The following TTN variants were observed in gnomAD, a reference collection of about 807,000 sequenced individuals.
TTN encodes the protein titin.
In TTN, 1,525 loss-of-function variants were observed where a neutral mutation model predicts 3,223.0. That is an observed-to-expected ratio of 0.47 (90% CI 0.45 to 0.49). The LOEUF is 0.49. Ranked by LOEUF, TTN falls within the 20% of genes least tolerant of loss-of-function variation. The probability of loss-of-function intolerance (pLI) is 0.00; values close to 1 mark genes in which losing one functional copy is unlikely to be tolerated. For missense variants in TTN, 40,786 were observed against 43,424.0 expected, an observed-to-expected ratio of 0.94 and a Z score of 5.40; for synonymous variants, 14,094 against 15,161.0, an observed-to-expected ratio of 0.93 and a Z score of 5.17.
rs397517532 is a variant in TTN, at chr2:178,702,075, TAA to T, written c.30512-11_30512-10del. 1 of 1,491,910 alleles carries T rather than the reference TAA, an allele frequency of 6.7e-7. No homozygotes were observed. The highest frequency in any genetic ancestry group is 9.2e-7 in the Non-Finnish European group (1 of 1,088,872). The allele number at this position is 1,491,910 out of a possible 1,614,324, so 92.4% of individuals were successfully genotyped here. The stretch of plus-strand genomic sequence containing the variant: ...CAGCTCAAGTTTGATTTCTGCAAAA[TAA>T]AAAAAAAATGATATTTTTGTGTTCA... On this transcript the variant is annotated splice_polypyrimidine_tract_variant and intron_variant, in intron 108 of 362. Coordinates refer to ENST00000589042, the MANE Select transcript of TTN (RefSeq NM_001267550.2).
chr2:178,604,987 C>G lies in TTN; in HGVS notation c.54190G>C (p.Asp18064His). The G allele has an allele frequency of 6.3e-7, 1 of 1,592,732 alleles. No individual in the cohort carries two copies. The highest frequency in any genetic ancestry group is 8.6e-7 in the Non-Finnish European group (1 of 1,168,154). The change falls in exon 280 of 363, where the codon GAC becomes CAC. Residue 18064 changes from aspartate to histidine, a missense_variant and splice_region_variant. Asp to His is a moderately conservative substitution (Grantham distance 81). Coordinates refer to ENST00000589042, the MANE Select transcript of TTN (RefSeq NM_001267550.2). ...VFRNVHVEVYDRPSPPRNLAV... is the reference protein window; with the variant it reads ...VFRNVHVEVYHRPSPPRNLAV... ...TGATGTAAGAAAGCAAGTCACTTAC[C>G]ATATACTTCAACGTGAACATTTCGG...
Position 178,675,914 on chromosome 2 carries a change from G to T in TTN, c.34453+7C>A. ...GCATAGTCTAATTTACTTCGGAATAGCAATACCTTTGGCAGGGGGAGCCTC... is the reference window on the plus strand; with the variant it reads ...GCATAGTCTAATTTACTTCGGAATATCAATACCTTTGGCAGGGGGAGCCTC... On this transcript the variant is annotated splice_region_variant and intron_variant, in intron 148 of 362. Transcript: ENST00000589042. 6.2e-7 allele frequency: 1 copy of T among 1,605,718 alleles called. No individual in the cohort carries two copies. Among genetic ancestry groups the T allele is most frequent in the Non-Finnish European group, 8.5e-7 (1 of 1,175,446 alleles).
rs1701792162 is a variant in TTN, at chr2:178,557,120, G to A, written c.88034C>T (p.Thr29345Ile). The change falls in exon 330 of 363, where the codon ACT becomes ATT. Residue 29345 changes from threonine (T) to isoleucine (I), a missense_variant. Transcript: ENST00000589042. ...GCTGACAGAGTTCTTTGAAATATCA[G>A]TGATACGAACATTTCTTGGGGGTTC... ...ACEPPRNVRI[T>I]DISKNSVSLS... 1 of 1,613,554 alleles carries A rather than the reference G, an allele frequency of 6.2e-7. No homozygotes were observed. The highest frequency in any genetic ancestry group is 1.3e-5 in the African/African-American group (1 of 74,934).
chr2:178,703,587 T>C (rs190178179), intron 106 of TTN, among the ~76,000 whole-genome samples: 12 of 152,354 alleles, frequency 7.9e-5, no homozygotes, highest in Middle Eastern at 3.4e-3. Flanking sequence ...AAAATGTGTA[T>C]AATCAATTAG....
At position 178,784,356 on chromosome 2, in the gene TTN, A is replaced by G. The variant is rs370759512; in HGVS notation, c.2494-5T>C. ...AGCACTACCGGCTATTGATGCCTAC[A>G]TGGAAACAGAGTCAGAAAATAAAGT... On this transcript the variant is annotated splice_polypyrimidine_tract_variant and splice_region_variant and intron_variant, in intron 15 of 362. Transcript: ENST00000589042. The G allele has an allele frequency of 1.1e-5, 18 of 1,613,860 alleles. No individual in the cohort carries two copies. Among genetic ancestry groups the G allele is most frequent in the Admixed American group, 1.7e-5 (1 of 60,002 alleles).
intron 224 of TTN, among the ~76,000 whole-genome samples, 192 bp downstream of exon 224, chr2:178,637,177 A>ATC: frequency 2.4e-5 from 3 of 125,448 alleles, no homozygotes; most frequent in African/African-American, 1.0e-4. Context: ...ATATATATAT[A>ATC]TATATATATA....
chr2:178,528,763 G>C lies in TTN; in HGVS notation c.106988C>G (p.Thr35663Ser). The change falls in exon 360 of 363, where the codon ACC becomes AGC. Residue 35663 changes from threonine (T) to serine (S), a missense_variant. Transcript: ENST00000589042. ...YGVSGSDQTL[T>S]IKQASHRDEG... ...ATCTCTGTGACTGGCTTGCTTGATG[G>C]TTAGGGTCTGATCGCTGCCTGAGAC... The C allele has an allele frequency of 2.5e-6, 4 of 1,612,922 alleles. No homozygotes were observed. Among genetic ancestry groups the C allele is most frequent in the Non-Finnish European group, 2.5e-6 (3 of 1,179,184 alleles).
chr2:178,651,503 T>C lies in TTN; in HGVS notation c.39497A>G (p.Lys13166Arg). Residue 13166 changes from lysine to arginine, a missense_variant, in exon 207 of 363, where the codon AAG becomes AGG. Transcript: ENST00000589042. ...PEVPKEVVPE[K>R]KVPLVVPKKP... ...TTTGGGAACCACCAGAGGCACCTTCTTTTCAGGAACAACCTCCTTGGGCAC... is the reference window on the plus strand; with the variant it reads ...TTTGGGAACCACCAGAGGCACCTTCCTTTCAGGAACAACCTCCTTGGGCAC... 1 of 1,613,054 alleles carries C rather than the reference T, an allele frequency of 6.2e-7. No homozygotes were observed. Among genetic ancestry groups the C allele is most frequent in the Non-Finnish European group, 8.5e-7 (1 of 1,179,502 alleles).
Position 178,529,039 on chromosome 2 carries a change from A to G in TTN, c.106712T>C (p.Leu35571Pro), listed in dbSNP as rs1687816400. The change falls in exon 360 of 363, where the codon CTG becomes CCG. Residue 35571 changes from leucine (L) to proline (P), a missense_variant. Leu to Pro is a moderately conservative substitution (Grantham distance 98). Coordinates refer to ENST00000589042, the MANE Select transcript of TTN (RefSeq NM_001267550.2). ...TGATTTCTTGACTTCTTCAGAAATC[A>G]GAACCTTTGAAGCTTCCTCTTTGAG... ...LALKEEASKV[L>P]ISEEVKKSAA... 2 of 1,613,994 alleles carry G rather than the reference A, an allele frequency of 1.2e-6. No homozygotes were observed. The highest frequency in any genetic ancestry group is 1.1e-5 in the South Asian group (1 of 91,088).
chr2:178,564,150 T>C lies in TTN; in HGVS notation c.81982A>G (p.Thr27328Ala), dbSNP rs376541881. ...ACAACAAGAGTTGTTTTCTGAATAG[T>C]AGATTTAATTTCCATTCTAGCAGCT... Reference protein sequence around the residue: ...ETAARMEIKSTIQKTTLVVKD... With the variant: ...ETAARMEIKSAIQKTTLVVKD... Residue 27328 changes from threonine (T) to alanine (A), a missense_variant, in exon 326 of 363, where the codon ACT becomes GCT. By Grantham distance (58) the Thr-to-Ala change is moderately conservative. Transcript: ENST00000589042. 65 of 1,613,696 alleles carry C rather than the reference T, an allele frequency of 4.0e-5. No homozygotes were observed. The highest frequency in any genetic ancestry group is 4.8e-5 in the Non-Finnish European group (57 of 1,179,758).
chr2:178,635,171 G>A lies in TTN; in HGVS notation c.42018C>T (p.Pro14006=), dbSNP rs2154228994. Residue 14006 remains proline, a synonymous_variant, in exon 228 of 363, where the codon CCC becomes CCT. Transcript: ENST00000589042. ...AAAATGTGAAATTACTCACAGGTGA[G>A]GGCCTTAGAAGTTCTCCTTTCAGTT... ...QWKLKGELLR[P]SPTCEIKAEG... is the part of the protein sequence containing the mutation. 6.2e-7 allele frequency: 1 copy of A among 1,612,604 alleles called. No homozygotes were observed. Among genetic ancestry groups the A allele is most frequent in the Non-Finnish European group, 8.5e-7 (1 of 1,179,306 alleles).
At chr2:178,651,859 T>C in intron 205 of TTN, 25 bp downstream of exon 205, 2 of 1,600,726 alleles carry the variant, frequency 1.2e-6, no homozygotes, top group Non-Finnish European at 1.7e-6. Flanking sequence ...GGCCGAGGTG[T>C]CCTAGCAGCT....
At chr2:178,752,154 C>T in intron 47 of TTN, 2 of 928,714 alleles carry the variant, frequency 2.2e-6, no homozygotes, top group Non-Finnish European at 1.6e-6. Context: ...TCTCACAAAT[C>T]CATAGAAAAA....
rs1302609593 is a variant in TTN at position 178,554,713 on chromosome 2, G to A, written c.88634C>T (p.Thr29545Ile). The part of the protein sequence containing the change: ...GPPGGPIEFK[T>I]VTAEKITLLW... ...AAGGGTGATCTTCTCAGCAGTTACAGTCTTAAATTCAATTGGTCCACCAGG... is the reference window on the plus strand; with the variant it reads ...AAGGGTGATCTTCTCAGCAGTTACAATCTTAAATTCAATTGGTCCACCAGG... Residue 29545 changes from threonine to isoleucine, a missense_variant, in exon 332 of 363, where the codon ACT becomes ATT. Physicochemically the swap from Thr to Ile is moderately conservative, Grantham distance 89 (BLOSUM62 -1). Transcript: ENST00000589042. The A allele has an allele frequency of 1.2e-6, 2 of 1,613,790 alleles. No homozygotes were observed. Among genetic ancestry groups the A allele is most frequent in the East Asian group, 2.2e-5 (1 of 44,888 alleles).
At chr2:178,665,109 C>T (rs953203711) in intron 165 of TTN, among the ~76,000 whole-genome samples, 183 bp from the exon 166 acceptor site, 1 of 152,050 alleles carries the variant, frequency 6.6e-6, no homozygotes, top group Non-Finnish European at 1.5e-5. Flanking sequence ...CCCCCTCCTC[C>T]AGAACCTCAC....
intron 219 of TTN, 152 bp from the exon 220 acceptor site, chr2:178,641,467 T>G: frequency 2.1e-6 from 1 of 474,320 alleles, no homozygotes; most frequent in Non-Finnish European, 3.7e-6. Context: ...ACCGAAAGTG[T>G]TTTTTGTTTT....
In TTN at chr2:178,721,782, CTT is replaced by C. The variant is rs980081017; in HGVS notation, c.22816+63_22816+64del. The stretch of plus-strand genomic sequence containing the variant: ...CTCAAACATTTAAAAACCAAAGAAA[CTT>C]TTATAAGACAATTATGCAAATATGG... On this transcript the variant is annotated intron_variant, in intron 78 of 362. Transcript: ENST00000589042. 10 of 1,427,690 alleles carry C rather than the reference CTT, an allele frequency of 7.0e-6. No individual in the cohort carries two copies. In the African/African-American group the frequency reaches 1.0e-4, roughly 14 times the overall value. The allele number at this position is 1,427,690 out of a possible 1,614,324, so 88.4% of individuals were successfully genotyped here. A position where few individuals can be genotyped will look rare whatever the true frequency, so the allele number is the denominator to read the frequency against.
At position 178,540,069 on chromosome 2, in the gene TTN, A is replaced by G; in HGVS notation, c.98097T>C (p.Leu32699=). 9 of 1,598,152 alleles carry G rather than the reference A, an allele frequency of 5.6e-6. No individual in the cohort carries two copies. Among genetic ancestry groups the G allele is most frequent in the Non-Finnish European group, 7.7e-6 (9 of 1,170,422 alleles). Residue 32699 remains leucine (L), a splice_region_variant and synonymous_variant, in exon 351 of 363, where the codon CTT becomes CTC. Coordinates refer to ENST00000589042, the MANE Select transcript of TTN (RefSeq NM_001267550.2). ...AAAGCAAATGATCATATGTCTCACC[A>G]AGCATTTCAGTGACTTTGACTGTTC... The part of the protein sequence containing the change: ...VPGTVKVTEM[L]EYPDYELDER...
Position 178,584,304 on chromosome 2 carries a change from T to A in TTN, c.65247A>T (p.Thr21749=), listed in dbSNP as rs1163587781. 4 of 1,592,396 alleles carry A rather than the reference T, an allele frequency of 2.5e-6. No individual in the cohort carries two copies. In the South Asian group the frequency reaches 3.4e-5, roughly 14 times the overall value. Residue 21749 remains threonine (T), a synonymous_variant, in exon 311 of 363, where the codon ACA becomes ACT. Coordinates refer to ENST00000589042, the MANE Select transcript of TTN (RefSeq NM_001267550.2). ...KAGSSPPSKP[T]EYVTARMPVD... is the part of the protein sequence containing the mutation. ...CTGGCATTCTTGCAGTTACATATTCTGTGGGTTTGCTGGGTGGGCTGGATC... is the reference window on the plus strand; with the variant it reads ...CTGGCATTCTTGCAGTTACATATTCAGTGGGTTTGCTGGGTGGGCTGGATC...
Sources: gnomAD v4.1 joint callset for allele counts (sites outside exome capture counted in the v4.1 genomes callset) on GRCh38, gnomAD v4.1.1 for gene constraint, MANE v1.5 for transcripts, NCBI Gene and HGNC (gene_info 2026-07-23, HGNC 2026-07-21) for gene names.